The following ADGRE1 variants were observed in gnomAD, a reference collection of about 807,000 sequenced individuals.
ADGRE1 encodes adhesion G protein-coupled receptor E1, also known as EGF-like module receptor 1.
A neutral mutation model predicts 102.7 loss-of-function variants in ADGRE1; 82 were observed. The observed-to-expected ratio is 0.80, with a 90% CI of 0.67 to 0.96. The LOEUF (loss-of-function observed/expected upper bound fraction) is 0.96. Among genes scored for constraint, ADGRE1 ranks in the 40% least tolerant of loss-of-function variants. The pLI is 0.00. For synonymous variants in ADGRE1, 398 were observed against 399.6 expected, an observed-to-expected ratio of 1.00 and a Z score of 0.05; for missense variants, 1,032 against 1,085.3, an observed-to-expected ratio of 0.95 and a Z score of 0.69.
At chr19:6,923,386 G>A (rs1442055729) in intron 14 of ADGRE1, among the ~76,000 whole-genome samples, 1 of 152,068 alleles carries the variant, frequency 6.6e-6, no homozygotes, top group African/African-American at 2.4e-5. Context: ...TACTTGAAAT[G>A]TTTTCATTTA....
At chr19:6,904,728 G>C (rs139165405) in intron 8 of ADGRE1, among the ~76,000 whole-genome samples, 1 of 151,968 alleles carries the variant, frequency 6.6e-6, no homozygotes, top group East Asian at 1.9e-4. Flanking sequence ...GGATGGTCTC[G>C]ATCTACTGAC....
chr19:6,926,663 T>C, intron 16 of ADGRE1, 62 bp downstream of exon 16: 1 of 1,536,464 alleles, frequency 6.5e-7, no homozygotes, highest in Non-Finnish European at 9.0e-7. Context: ...GATAATGACA[T>C]GAGCAACAAG....
At chr19:6,921,501 G>A (rs1286104870) in intron 13 of ADGRE1, among the ~76,000 whole-genome samples, 1 of 152,166 alleles carries the variant, frequency 6.6e-6, no homozygotes, top group Admixed American at 6.5e-5. Context: ...TGGATTTGAT[G>A]AAAGGAGGAG....
At chr19:6,898,413 C>A (rs1973649889) in intron 5 of ADGRE1, 2 of 1,601,528 alleles carry the variant, frequency 1.2e-6, no homozygotes, top group Non-Finnish European at 1.7e-6. Flanking sequence ...TCTCTTCTCC[C>A]ACTGGAAATG....
At position 6,935,078 on chromosome 19, in the gene ADGRE1, G is replaced by A. The variant is rs757785377; in HGVS notation, c.2381G>A (p.Arg794Lys). Residue 794 changes from arginine to lysine, a missense_variant and splice_region_variant, in exon 18 of 21, where the codon AGG (arginine) becomes AAG (lysine). By Grantham distance (26) the Arg-to-Lys change is conservative. Coordinates refer to ENST00000312053, the MANE Select transcript of ADGRE1 (RefSeq NM_001974.5). ...NAEVSTLKDT[R>K]LLTFKAFAQL... ...GAAGTCTCAACGCTAAAAGACACCA[G>A]GTAAAGCCCTCTTTCACCTCCCCCC... 4 of 1,572,408 alleles carry A rather than the reference G, an allele frequency of 2.5e-6. No individual in the cohort carries two copies. Among genetic ancestry groups the A allele is most frequent in the Non-Finnish European group, 3.4e-6 (4 of 1,162,886 alleles).
rs188529490 is a variant in ADGRE1, at chr19:6,924,846, G to A, written c.1960G>A (p.Ala654Thr). The change falls in exon 15 of 21, where the codon GCC becomes ACC. Residue 654 changes from alanine to threonine, a missense_variant. Coordinates refer to ENST00000312053, the MANE Select transcript of ADGRE1 (RefSeq NM_001974.5). ...CLLLAKTLFL[A>T]GIHKTDNKMG... ...CCTCTTGGCGAAGACTCTCTTCCTC[G>A]CCGGTATACACAAGACTGACAACAA... 32 of 1,613,930 alleles carry A rather than the reference G, an allele frequency of 2.0e-5. No homozygotes were observed. The highest frequency in any genetic ancestry group is 1.1e-5 in the South Asian group (1 of 91,058).
chr19:6,899,109 G>A (rs558124151), intron 5 of ADGRE1, among the ~76,000 whole-genome samples: 1 of 152,266 alleles, frequency 6.6e-6, no homozygotes, highest in Admixed American at 6.5e-5. Context: ...GAAGAGCTGG[G>A]ATTTGAACTC....
intron 14 of ADGRE1, among the ~76,000 whole-genome samples, chr19:6,923,627 T>C (rs1223870734): frequency 6.6e-6 from 1 of 152,022 alleles, no homozygotes; most frequent in Non-Finnish European, 1.5e-5. Flanking sequence ...GCCTCCCAGG[T>C]TCAACCAATT....
rs1190405765 is a variant in ADGRE1, at chr19:6,937,335, T to TG, written c.2476dup (p.Ala826GlyfsTer87). 2 of 1,613,998 alleles carry TG rather than the reference T, an allele frequency of 1.2e-6. No homozygotes were observed. Among genetic ancestry groups the TG allele is most frequent in the Non-Finnish European group, 1.7e-6 (2 of 1,180,028 alleles). Reference sequence around the variant, plus strand: ...CAGATTGGACCTGTGGCAGGTGTCATGGCTTACCTGTTCACCATCATCAAC... The same window carrying TG: ...CAGATTGGACCTGTGGCAGGTGTCATGGGCTTACCTGTTCACCATCATCAAC... On this transcript the variant is annotated frameshift_variant, in exon 19 of 21. Transcript: ENST00000312053. LOFTEE classifies it high-confidence loss of function.
chr19:6,906,539 T>C lies in ADGRE1; in HGVS notation c.1038+18T>C, dbSNP rs1252292955. 4 of 1,606,668 alleles carry C rather than the reference T, an allele frequency of 2.5e-6. No homozygotes were observed. In the African/African-American group the frequency reaches 4.0e-5, roughly 16 times the overall value. On this transcript the variant is annotated intron_variant, in intron 9 of 20. Transcript: ENST00000312053. ...CTGCATATGCAAGTATTTTTTAAGG[T>C]TCCTAGTTTTTGAGGTTTTCTTAGA...
rs148177592 is a variant in ADGRE1, at chr19:6,915,652, T to A, written c.1301-597T>A. The stretch of plus-strand genomic sequence containing the variant: ...AAAACTTATATAAGGCCGGGGGCAG[T>A]GGCTCACACCTGTAATCCTAGCACT... On this transcript the variant is annotated intron_variant, in intron 11 of 20. Transcript: ENST00000312053. 4.5e-4 allele frequency among the ~76,000 whole-genome samples: 69 copies of A among 152,198 alleles called. No individual in the cohort carries two copies. In the East Asian group the frequency reaches 0.012, roughly 27 times the overall value.
intron 9 of ADGRE1, among the ~76,000 whole-genome samples, chr19:6,906,839 G>A (rs455099): frequency 0.37 from 56,149 of 151,822 alleles, 12,193 homozygotes; most frequent in African/African-American, 0.6. Flanking sequence ...CTCTTTAAGC[G>A]TATGACCCAG....
intron 14 of ADGRE1, among the ~76,000 whole-genome samples, chr19:6,923,515 A>G (rs1974758652): frequency 6.6e-6 from 1 of 151,940 alleles, no homozygotes; most frequent in African/African-American, 2.4e-5. Flanking sequence ...GAAATTGGCC[A>G]GTTTTTTTCT....
chr19:6,914,462 G>T (rs1478424725), intron 11 of ADGRE1, among the ~76,000 whole-genome samples: 1 of 152,162 alleles, frequency 6.6e-6, no homozygotes, highest in Middle Eastern at 3.2e-3. Flanking sequence ...TTTCCTGACT[G>T]ATACATACTT....
chr19:6,912,899 C>A (rs1974252643), intron 10 of ADGRE1, among the ~76,000 whole-genome samples: 1 of 152,196 alleles, frequency 6.6e-6, no homozygotes, highest in East Asian at 1.9e-4. Context: ...AAACTTACTG[C>A]ATTGCATAAA....
In ADGRE1 at chr19:6,888,293, C is replaced by T. The variant is rs117523293; in HGVS notation, c.31+654C>T. 2.6e-3 allele frequency among the ~76,000 whole-genome samples: 391 copies of T among 152,130 alleles called. 1 individual carries two copies. Among genetic ancestry groups the T allele is most frequent in the Non-Finnish European group, 4.0e-3 (273 of 68,004 alleles). ...GAAAGAAGTTGTTATAGAATGTGGT[C>T]GGGAGTTATGTTGAAGGGAGAAGTC... On this transcript the variant is annotated intron_variant, in intron 1 of 20. Transcript: ENST00000312053.
chr19:6,925,504 T>A (rs1401348935), intron 15 of ADGRE1, among the ~76,000 whole-genome samples: 1 of 152,066 alleles, frequency 6.6e-6, no homozygotes, highest in African/African-American at 2.4e-5. Context: ...TCTGGGGACA[T>A]TTTTCCTTGT....
Position 6,928,176 on chromosome 19 carries a change from T to G in ADGRE1, c.2254T>G (p.Trp752Gly). 1 of 1,614,140 alleles carries G rather than the reference T, an allele frequency of 6.2e-7. No individual in the cohort carries two copies. The highest frequency in any genetic ancestry group is 8.5e-7 in the Non-Finnish European group (1 of 1,179,992). The change falls in exon 17 of 21, where the codon TGG becomes GGG. Residue 752 changes from tryptophan (W) to glycine (G), a missense_variant. Physicochemically the swap from Trp to Gly is radical, Grantham distance 184. Coordinates refer to ENST00000312053, the MANE Select transcript of ADGRE1 (RefSeq NM_001974.5). ...GCTGAATACAGAGACAGGGTTCATC[T>G]GGAGTTTCTTGGGGCCAGTTTGCAC... Reference protein sequence around the residue: ...CWLNTETGFIWSFLGPVCTVI... With the variant: ...CWLNTETGFIGSFLGPVCTVI...
chr19:6,903,930 A>T lies in ADGRE1; in HGVS notation c.782A>T (p.Asp261Val), dbSNP rs771430242. Reference protein sequence around the residue: ...APSNGQLNFTDQGVECRDIDE... With the variant: ...APSNGQLNFTVQGVECRDIDE... ...AGCAATGGACAGTTGAATTTCACAGACCAAGGAGTGGAATGTAGAGGTGAG... is the reference window on the plus strand; with the variant it reads ...AGCAATGGACAGTTGAATTTCACAGTCCAAGGAGTGGAATGTAGAGGTGAG... The change falls in exon 7 of 21, where the codon GAC becomes GTC. Residue 261 changes from aspartate (D) to valine (V), a missense_variant. Coordinates refer to ENST00000312053, the MANE Select transcript of ADGRE1 (RefSeq NM_001974.5). 2 of 1,614,180 alleles carry T rather than the reference A, an allele frequency of 1.2e-6. No homozygotes were observed. The highest frequency in any genetic ancestry group is 2.2e-5 in the South Asian group (2 of 91,080).
Sources: allele counts gnomAD v4.1 joint callset (sites outside exome capture counted in the v4.1 genomes callset), GRCh38; gene constraint gnomAD v4.1.1; transcripts MANE v1.5; gene names NCBI Gene and HGNC (gene_info 2026-07-23, HGNC 2026-07-21).